Variants in TACR3 observed in about 807,000 individuals in gnomAD.
TACR3 encodes the protein neuromedin-K receptor.
In TACR3, 34 loss-of-function variants were observed where a neutral mutation model predicts 35.0. That is an observed-to-expected ratio of 0.97 (90% CI 0.74 to 1.30). TACR3 has a LOEUF of 1.30. TACR3 is among the 50% of genes most tolerant of loss of function. The pLI is 0.00. For missense variants in TACR3, 558 were observed against 591.7 expected, an observed-to-expected ratio of 0.94 and a Z score of 0.59; for synonymous variants, 233 against 221.1, an observed-to-expected ratio of 1.05 and a Z score of -0.48.
intron 3 of TACR3, among the ~76,000 whole-genome samples, chr4:103,594,324 C>G (rs762388224): frequency 1.3e-5 from 2 of 151,878 alleles, no homozygotes; most frequent in African/African-American, 2.4e-5. Context: ...ATTACAGGAG[C>G]GTGCCACCAC....
intron 3 of TACR3, among the ~76,000 whole-genome samples, chr4:103,614,200 A>G: frequency 6.6e-6 from 1 of 152,200 alleles, no homozygotes; most frequent in East Asian, 1.9e-4. Context: ...ATTTTCCAGT[A>G]CAACTAAAAC....
At position 103,719,940 on chromosome 4, in the gene TACR3, T is replaced by G. The variant is rs550358865; in HGVS notation, c.-265A>C. On this transcript the variant is annotated 5_prime_UTR_variant, in exon 1 of 5. It removes an upstream start codon present in the reference 5' UTR. Transcript: ENST00000304883. ...CGAGATTAAGGGTTATCGAGTCACATCACACGTAGGGAGGGTGCCAGCTGC... is the reference window on the plus strand; with the variant it reads ...CGAGATTAAGGGTTATCGAGTCACAGCACACGTAGGGAGGGTGCCAGCTGC... 1.8e-6 allele frequency: 1 copy of G among 571,120 alleles called. No individual in the cohort carries two copies. Among genetic ancestry groups the G allele is most frequent in the Non-Finnish European group, 3.1e-6 (1 of 319,374 alleles). The allele number at this position is 571,120 out of a possible 1,614,324, so 35.4% of individuals were successfully genotyped here.
At chr4:103,685,088 T>G (rs907557362) in intron 1 of TACR3, among the ~76,000 whole-genome samples, 6 of 151,904 alleles carry the variant, frequency 3.9e-5, no homozygotes, top group Non-Finnish European at 7.4e-5. Context: ...AAAAGAAGAC[T>G]GAAGTTGGGG....
chr4:103,617,615 G>T (rs1347765301), intron 3 of TACR3, among the ~76,000 whole-genome samples: 2 of 151,988 alleles, frequency 1.3e-5, no homozygotes, highest in Non-Finnish European at 2.9e-5. Flanking sequence ...CATAAGAATT[G>T]GTGTATGCTG....
intron 3 of TACR3, among the ~76,000 whole-genome samples, chr4:103,631,782 A>G (rs1202594826): frequency 6.6e-6 from 1 of 152,194 alleles, no homozygotes; most frequent in African/African-American, 2.4e-5. Context: ...ACAAAACTCC[A>G]TCCATCTGGC....
At chr4:103,607,515 T>C (rs1229760668) in intron 3 of TACR3, among the ~76,000 whole-genome samples, 1 of 152,024 alleles carries the variant, frequency 6.6e-6, no homozygotes, top group African/African-American at 2.4e-5. Flanking sequence ...AAATAATCTT[T>C]ATTGCTCTTA....
At chr4:103,682,667 C>G (rs995650549) in intron 1 of TACR3, among the ~76,000 whole-genome samples, 1 of 152,072 alleles carries the variant, frequency 6.6e-6, no homozygotes, top group Non-Finnish European at 1.5e-5. Flanking sequence ...GCCGTCACAT[C>G]CTGCAAAAAC....
rs759624453 is a variant in TACR3, at chr4:103,719,612, C to G, written c.64G>C (p.Val22Leu). The part of the protein sequence containing the change: ...DGGGGVGADA[V>L]NLTASLAAGA... Reference sequence around the variant, plus strand: ...GCAGCTAGCGAGGCGGTCAGGTTCACGGCGTCTGCACCCACGCCTCCACCC... The same window carrying G: ...GCAGCTAGCGAGGCGGTCAGGTTCAGGGCGTCTGCACCCACGCCTCCACCC... The change falls in exon 1 of 5, where the codon GTG (valine) becomes CTG (leucine). Residue 22 changes from valine to leucine, a missense_variant. Val to Leu is a conservative substitution (Grantham distance 32, BLOSUM62 1). Coordinates refer to ENST00000304883, the MANE Select transcript of TACR3 (RefSeq NM_001059.3). 6.2e-7 allele frequency: 1 copy of G among 1,613,628 alleles called. No individual in the cohort carries two copies. Among genetic ancestry groups the G allele is most frequent in the South Asian group, 1.1e-5 (1 of 91,046 alleles).
intron 1 of TACR3, among the ~76,000 whole-genome samples, chr4:103,679,918 T>A (rs1340858162): frequency 6.6e-6 from 1 of 151,936 alleles, no homozygotes; most frequent in East Asian, 1.9e-4. Context: ...CTATTATATA[T>A]ATATTTTTAA....
In TACR3 at chr4:103,660,381, T is replaced by C. The variant is rs374295627; in HGVS notation, c.549-1978A>G. Among the ~76,000 whole-genome samples, 8 of 152,198 alleles carry C rather than the reference T, an allele frequency of 5.3e-5. No individual in the cohort carries two copies. In the East Asian group the frequency reaches 9.6e-4, roughly 18 times the overall value. On this transcript the variant is annotated intron_variant, in intron 1 of 4. Coordinates refer to ENST00000304883, the MANE Select transcript of TACR3 (RefSeq NM_001059.3). The stretch of plus-strand genomic sequence containing the variant: ...TATGAAAGCATAGAACAGATAATGA[T>C]TGCTCAGGGCTCAATGTATATAAAG...
rs1218375455 is a variant in TACR3 at position 103,587,540 on chromosome 4, A to C, written c.*2142T>G. ...TAGAAAATTCTACTGAATTTCTCTA[A>C]TATGTGAGGGCCAGGAGTTATATTT... On this transcript the variant is annotated 3_prime_UTR_variant, in exon 5 of 5. Transcript: ENST00000304883. 2 of 152,094 alleles carry C rather than the reference A, an allele frequency of 1.3e-5. No homozygotes were observed. Among genetic ancestry groups the C allele is most frequent in the Admixed American group, 1.3e-4 (2 of 15,232 alleles). 9.4% of individuals were successfully genotyped at this position (152,094 alleles called of 1,614,324 possible). A position where few individuals can be genotyped will look rare whatever the true frequency, so the allele number is the denominator to read the frequency against.
intron 1 of TACR3, among the ~76,000 whole-genome samples, chr4:103,691,858 C>T (rs896614607): frequency 5.9e-5 from 9 of 152,176 alleles, no homozygotes; most frequent in Admixed American, 1.3e-4. Flanking sequence ...TCCATCCCTT[C>T]GTTTCCCATA....
intron 1 of TACR3, among the ~76,000 whole-genome samples, chr4:103,714,857 C>A (rs1010180739): frequency 6.6e-6 from 1 of 152,126 alleles, no homozygotes; most frequent in Admixed American, 6.6e-5. Flanking sequence ...CAGTATTTCT[C>A]ATGACTCTAT....
At chr4:103,592,939 A>G (rs1222620820) in intron 3 of TACR3, among the ~76,000 whole-genome samples, 1 of 152,182 alleles carries the variant, frequency 6.6e-6, no homozygotes, top group Non-Finnish European at 1.5e-5. Context: ...GAGCAGATGG[A>G]AATTGGCCAT....
At chr4:103,600,524 C>T (rs1724169991) in intron 3 of TACR3, among the ~76,000 whole-genome samples, 1 of 152,086 alleles carries the variant, frequency 6.6e-6, no homozygotes, top group Non-Finnish European at 1.5e-5. Flanking sequence ...TTTGATCTTG[C>T]TTTTCTAGTT....
At chr4:103,597,465 A>G (rs994803354) in intron 3 of TACR3, among the ~76,000 whole-genome samples, 6 of 151,998 alleles carry the variant, frequency 3.9e-5, no homozygotes, top group African/African-American at 1.2e-4. Context: ...AAATTTTATT[A>G]TTATTATACT....
At chr4:103,671,591 A>G (rs756379382) in intron 1 of TACR3, among the ~76,000 whole-genome samples, 20 of 152,010 alleles carry the variant, frequency 1.3e-4, no homozygotes, top group Non-Finnish European at 2.1e-4. Flanking sequence ...GCACAATAGT[A>G]GTCTCTAATG....
At chr4:103,629,133 T>TAAACTAG (rs1362290147) in intron 3 of TACR3, among the ~76,000 whole-genome samples, 1 of 152,120 alleles carries the variant, frequency 6.6e-6, no homozygotes, top group Admixed American at 6.6e-5. Flanking sequence ...ATTGATGGAA[T>TAAACTAG]GTATCTCAAA....
chr4:103,616,042 ATGT>A (rs1222074338), intron 3 of TACR3, among the ~76,000 whole-genome samples: 1 of 152,218 alleles, frequency 6.6e-6, no homozygotes, highest in Non-Finnish European at 1.5e-5. Flanking sequence ...AAAACTGCAG[ATGT>A]TGTGGAAAAT....
Sources: gnomAD v4.1 joint callset for allele counts (sites outside exome capture counted in the v4.1 genomes callset) on GRCh38, gnomAD v4.1.1 for gene constraint, MANE v1.5 for transcripts, NCBI Gene and HGNC (gene_info 2026-07-23, HGNC 2026-07-21) for gene names.